The following MALRD1 variants were observed in gnomAD, a reference collection of about 807,000 sequenced individuals.
The protein encoded by MALRD1 is MAM and LDL receptor class A domain containing 1.
A neutral mutation model predicts 242.1 loss-of-function variants in MALRD1; 247 were observed. That is an observed-to-expected ratio of 1.02 (90% CI 0.92 to 1.13). The LOEUF (loss-of-function observed/expected upper bound fraction) is 1.13. MALRD1 is among the 50% of genes most tolerant of loss of function. The pLI is 0.00. For missense variants in MALRD1, 2,989 were observed against 2,533.1 expected (o/e 1.18, Z -3.86); for synonymous variants, 995 against 866.6 (o/e 1.15, Z -2.60).
intron 22 of MALRD1, among the ~76,000 whole-genome samples, chr10:19,326,498 G>C (rs1843140576): frequency 1.3e-5 from 2 of 151,774 alleles, no homozygotes; most frequent in African/African-American, 4.8e-5. Flanking sequence ...TATATAGTGT[G>C]GTATTAATAT....
At chr10:19,347,727 C>T in intron 24 of MALRD1, 44 bp from the exon 25 acceptor site, 1 of 1,542,508 alleles carries the variant, frequency 6.5e-7, no homozygotes, top group South Asian at 1.2e-5. Context: ...TTAAAGTAGG[C>T]AAATTTCCAT....
intron 32 of MALRD1, among the ~76,000 whole-genome samples, chr10:19,537,948 A>C (rs1412413709): frequency 6.6e-6 from 1 of 152,206 alleles, no homozygotes; most frequent in Non-Finnish European, 1.5e-5. Flanking sequence ...GCTTGATTTA[A>C]AATGGAATAT....
intron 32 of MALRD1, among the ~76,000 whole-genome samples, chr10:19,539,893 T>C (rs934788850): frequency 4.6e-5 from 3 of 64,758 alleles, no homozygotes; most frequent in Non-Finnish European, 6.2e-5. Flanking sequence ...TGTGTGTGTG[T>C]GTGTGCGCGC....
At chr10:19,587,086 C>T (rs1272248002) in intron 33 of MALRD1, among the ~76,000 whole-genome samples, 14 of 152,224 alleles carry the variant, frequency 9.2e-5, no homozygotes, top group South Asian at 2.1e-4. Context: ...TGCTTCGGCT[C>T]GCGCACGGTG....
intron 14 of MALRD1, 107 bp from the exon 15 acceptor site, chr10:19,203,621 A>T: frequency 1.8e-6 from 2 of 1,107,930 alleles, no homozygotes; most frequent in Non-Finnish European, 2.5e-6. Flanking sequence ...ATTGCCCTTC[A>T]TGTGCATACA....
intron 24 of MALRD1, among the ~76,000 whole-genome samples, chr10:19,341,454 GTA>G (rs1564577001): frequency 1.7e-5 from 2 of 120,944 alleles, no homozygotes; most frequent in East Asian, 2.4e-4. Flanking sequence ...ATATATATGT[GTA>G]TATATATGTA....
At chr10:19,509,724 A>G (rs1833307407) in intron 31 of MALRD1, among the ~76,000 whole-genome samples, 1 of 152,192 alleles carries the variant, frequency 6.6e-6, no homozygotes, top group Non-Finnish European at 1.5e-5. Context: ...ACGCACAAGC[A>G]TTTAAGACCC....
At chr10:19,412,184 G>T (rs539617344) in intron 28 of MALRD1, among the ~76,000 whole-genome samples, 24 of 152,222 alleles carry the variant, frequency 1.6e-4, no homozygotes, top group Admixed American at 3.3e-4. Flanking sequence ...CCAGCTACTC[G>T]GGAGGCTGAG....
chr10:19,451,361 A>AT (rs1405538710), intron 29 of MALRD1, among the ~76,000 whole-genome samples: 1 of 152,208 alleles, frequency 6.6e-6, no homozygotes, highest in Non-Finnish European at 1.5e-5. Context: ...TTGAAAAAAA[A>AT]GTACCGCCAT....
Position 19,323,949 on chromosome 10 carries a change from A to C in MALRD1, c.3420A>C (p.Gln1140His). The C allele has an allele frequency of 6.4e-7, 1 of 1,550,602 alleles. No homozygotes were observed. The highest frequency in any genetic ancestry group is 8.7e-7 in the Non-Finnish European group (1 of 1,146,780). Reference protein sequence around the residue: ...ENHRPSVDHTQNTTDGWYLYA... With the variant: ...ENHRPSVDHTHNTTDGWYLYA... Reference sequence around the variant, plus strand: ...ATAATATGATAAATTCCTTTTCCAGAAATACCACTGATGGCTGGTACCTGT... The same window carrying C: ...ATAATATGATAAATTCCTTTTCCAGCAATACCACTGATGGCTGGTACCTGT... Residue 1140 changes from glutamine (Q) to histidine (H), a missense_variant and splice_region_variant, in exon 22 of 40, where the codon CAA (glutamine) becomes CAC (histidine). Physicochemically the swap from Gln to His is conservative, Grantham distance 24 (BLOSUM62 0). Transcript: ENST00000454679.
chr10:19,096,030 A>G (rs544163859), intron 4 of MALRD1, among the ~76,000 whole-genome samples: 82 of 152,286 alleles, frequency 5.4e-4, no homozygotes, highest in African/African-American at 1.9e-3. Context: ...AGCTGATGGT[A>G]TGGGAGTCTT....
At chr10:19,399,999 G>T (rs1432019269) in intron 28 of MALRD1, among the ~76,000 whole-genome samples, 2 of 152,094 alleles carry the variant, frequency 1.3e-5, no homozygotes, top group African/African-American at 4.8e-5. Flanking sequence ...TTTAATTTAG[G>T]ATTACAACTT....
intron 19 of MALRD1, among the ~76,000 whole-genome samples, chr10:19,270,991 C>T (rs996675395): frequency 2.0e-5 from 3 of 152,004 alleles, no homozygotes; most frequent in African/African-American, 7.3e-5. Context: ...CCTAAATATA[C>T]GAATGAATGG....
intron 33 of MALRD1, among the ~76,000 whole-genome samples, chr10:19,594,344 T>C (rs1281229880): frequency 1.3e-5 from 2 of 152,108 alleles, no homozygotes; most frequent in East Asian, 3.9e-4. Flanking sequence ...ACAGTAGAAG[T>C]TGGTGCGGAT....
intron 18 of MALRD1, among the ~76,000 whole-genome samples, chr10:19,216,976 T>A (rs2358361): frequency 0.89 from 132,265 of 149,058 alleles, 58,904 homozygotes; most frequent in East Asian, 1. Flanking sequence ...AAAATAAAAT[T>A]AAAAAAAATG....
chr10:19,519,155 G>A (rs1833769994), intron 31 of MALRD1, among the ~76,000 whole-genome samples: 1 of 151,902 alleles, frequency 6.6e-6, no homozygotes, highest in Non-Finnish European at 1.5e-5. Context: ...TTTTTCATCA[G>A]TATATACTTA....
At chr10:19,371,143 G>A (rs566632500) in intron 26 of MALRD1, among the ~76,000 whole-genome samples, 19 of 150,308 alleles carry the variant, frequency 1.3e-4, no homozygotes, top group East Asian at 3.9e-4. Context: ...TGCACCTGTC[G>A]TCCCAGCTCT....
At chr10:19,672,018 T>C (rs959911152) in intron 36 of MALRD1, among the ~76,000 whole-genome samples, 3 of 152,124 alleles carry the variant, frequency 2.0e-5, no homozygotes, top group Non-Finnish European at 4.4e-5. Context: ...TGTCCTATTG[T>C]CCTTAAAACT....
intron 28 of MALRD1, among the ~76,000 whole-genome samples, chr10:19,395,199 C>T (rs937566317): frequency 4.6e-5 from 7 of 152,260 alleles, no homozygotes; most frequent in African/African-American, 1.7e-4. Flanking sequence ...ATATCTGAGA[C>T]AGATCTCAGT....
Sources: allele counts gnomAD v4.1 joint callset (sites outside exome capture counted in the v4.1 genomes callset), GRCh38; gene constraint gnomAD v4.1.1; transcripts MANE v1.5; gene names NCBI Gene and HGNC (gene_info 2026-07-23, HGNC 2026-07-21).